The following PLEKHA6 variants were observed in gnomAD, a reference collection of about 807,000 sequenced individuals.
The protein encoded by PLEKHA6 is pleckstrin homology domain-containing family A member 6.
A neutral mutation model predicts 116.7 loss-of-function variants in PLEKHA6; 60 were observed. The observed-to-expected ratio is 0.51, with a 90% CI of 0.42 to 0.64. The LOEUF is 0.64. Ranked by LOEUF, PLEKHA6 falls within the 30% of genes least tolerant of loss-of-function variation. The pLI is 0.00. For synonymous variants in PLEKHA6, 489 were observed against 556.1 expected (o/e 0.88, Z 1.70); for missense variants, 1,338 against 1,422.7 (o/e 0.94, Z 0.96).
chr1:204,251,439 G>C (rs1440278030), intron 9 of PLEKHA6: 5 of 647,662 alleles, frequency 7.7e-6, no homozygotes, highest in Non-Finnish European at 1.4e-5. Context: ...CGGGTTGGGT[G>C]GCGTGAGCCT....
chr1:204,375,510 C>A (rs1402919005), intron 1 of PLEKHA6, among the ~76,000 whole-genome samples: 1 of 152,062 alleles, frequency 6.6e-6, no homozygotes, highest in Non-Finnish European at 1.5e-5. Context: ...CCCTTCACTT[C>A]TATTCTCACC....
chr1:204,370,843 C>G (rs1673759784), intron 2 of PLEKHA6, among the ~76,000 whole-genome samples: 1 of 152,198 alleles, frequency 6.6e-6, no homozygotes, highest in East Asian at 1.9e-4. Flanking sequence ...CACCTGAGGT[C>G]AGGAGTTTGA....
chr1:204,254,154 C>T (rs569721281), intron 9 of PLEKHA6, among the ~76,000 whole-genome samples: 6 of 152,234 alleles, frequency 3.9e-5, no homozygotes, highest in Non-Finnish European at 8.8e-5. Flanking sequence ...TTCCCATCAG[C>T]AGGATCCTGG....
At chr1:204,332,238 G>A (rs1385382805) in intron 1 of PLEKHA6, among the ~76,000 whole-genome samples, 1 of 152,158 alleles carries the variant, frequency 6.6e-6, no homozygotes, top group Non-Finnish European at 1.5e-5. Context: ...GAAGTCACAA[G>A]ATGGCCAAGG....
chr1:204,327,413 A>G (rs1024787538), intron 1 of PLEKHA6, among the ~76,000 whole-genome samples: 1 of 152,208 alleles, frequency 6.6e-6, no homozygotes, highest in East Asian at 1.9e-4. Context: ...CAGGAAGTAG[A>G]CAGCGATAAG....
At chr1:204,328,051 TTTA>T (rs1672307309) in intron 1 of PLEKHA6, among the ~76,000 whole-genome samples, 337 of 3,674 alleles carry the variant, frequency 0.092, no homozygotes, top group Middle Eastern at 0.38. Context: ...ATTTATTTTA[TTTA>T]TTTATTTATT....
chr1:204,231,859 C>G lies in PLEKHA6; in HGVS notation c.2410-1273G>C, dbSNP rs544149541. 2.6e-5 allele frequency among the ~76,000 whole-genome samples: 4 copies of G among 152,186 alleles called. No homozygotes were observed. In the South Asian group the frequency reaches 8.3e-4, roughly 32 times the overall value. On this transcript the variant is annotated intron_variant, in intron 17 of 22. Transcript: ENST00000272203. ...GGGATTATAGGTGTGAGCCACCATGCCTGGTCTGTATTGCTTGTTATTATT... is the reference window on the plus strand; with the variant it reads ...GGGATTATAGGTGTGAGCCACCATGGCTGGTCTGTATTGCTTGTTATTATT...
intron 1 of PLEKHA6, among the ~76,000 whole-genome samples, chr1:204,337,568 C>T (rs1220895682): frequency 6.6e-6 from 1 of 152,076 alleles, no homozygotes; most frequent in Non-Finnish European, 1.5e-5. Context: ...AATGAGCTCT[C>T]GTTGGAATTA....
intron 1 of PLEKHA6, among the ~76,000 whole-genome samples, chr1:204,315,805 C>T (rs955337344): frequency 3.1e-4 from 47 of 152,006 alleles, no homozygotes; most frequent in Admixed American, 2.8e-3. Flanking sequence ...AGTGGGGAGC[C>T]GGGGAGATGC....
intron 1 of PLEKHA6, among the ~76,000 whole-genome samples, chr1:204,314,207 A>T (rs1235597210): frequency 6.6e-6 from 1 of 152,168 alleles, no homozygotes; most frequent in East Asian, 1.9e-4. Flanking sequence ...TGATAATAAG[A>T]TGGCAGAGAC....
intron 17 of PLEKHA6, among the ~76,000 whole-genome samples, chr1:204,241,015 G>A (rs1270767433): frequency 6.6e-6 from 1 of 152,194 alleles, no homozygotes; most frequent in African/African-American, 2.4e-5. Flanking sequence ...AAGTTCTTCA[G>A]TTTTGGAACT....
intron 1 of PLEKHA6, chr1:204,299,730 A>T: frequency 4.8e-6 from 3 of 628,920 alleles, no homozygotes; most frequent in Non-Finnish European, 6.0e-6. Flanking sequence ...AGAAAGGCCT[A>T]CTTCCCTGGC....
At position 204,329,713 on chromosome 1, in the gene PLEKHA6, C is replaced by T. The variant is rs147303105; in HGVS notation, c.-95+29981G>A. On this transcript the variant is annotated intron_variant, in intron 1 of 22. Transcript: ENST00000272203. ...GGACAGCATAACATGTTAAATGACACGATGAGGATGCAATCAGCCAAATCC... is the reference window on the plus strand; with the variant it reads ...GGACAGCATAACATGTTAAATGACATGATGAGGATGCAATCAGCCAAATCC... Among the ~76,000 whole-genome samples, 15 of 152,198 alleles carry T rather than the reference C, an allele frequency of 9.9e-5. 1 individual carries two copies. Among genetic ancestry groups the T allele is most frequent in the East Asian group, 9.7e-4 (5 of 5,180 alleles).
chr1:204,288,334 C>T (rs181537937), intron 1 of PLEKHA6, among the ~76,000 whole-genome samples: 117 of 152,340 alleles, frequency 7.7e-4, no homozygotes, highest in African/African-American at 2.7e-3. Context: ...AAAGTAGCAA[C>T]TCCCACCTTG....
At chr1:204,325,512 G>A (rs1034134975) in intron 1 of PLEKHA6, among the ~76,000 whole-genome samples, 1 of 152,178 alleles carries the variant, frequency 6.6e-6, no homozygotes, top group Non-Finnish European at 1.5e-5. Flanking sequence ...AGATCTTCAT[G>A]CTCAGAAATA....
intron 9 of PLEKHA6, among the ~76,000 whole-genome samples, chr1:204,251,337 G>A (rs762400993): frequency 5.9e-5 from 9 of 152,204 alleles, no homozygotes; most frequent in Admixed American, 2.0e-4. Flanking sequence ...TGGGAAATGG[G>A]CCTTGGGTTT....
chr1:204,230,707 C>A, intron 17 of PLEKHA6, 121 bp from the exon 18 acceptor site: 1 of 793,432 alleles, frequency 1.3e-6, no homozygotes, highest in South Asian at 1.9e-5. Context: ...GAAGAGTGGT[C>A]CCCAAAAGAT....
intron 2 of PLEKHA6, among the ~76,000 whole-genome samples, chr1:204,370,024 G>T (rs1357819229): frequency 6.6e-6 from 1 of 152,198 alleles, no homozygotes; most frequent in Admixed American, 6.5e-5. Flanking sequence ...AAGAAGCTAA[G>T]TCCAGGAAGA....
chr1:204,346,129 C>T (rs1379041039), intron 1 of PLEKHA6, among the ~76,000 whole-genome samples: 1 of 152,156 alleles, frequency 6.6e-6, no homozygotes, highest in African/African-American at 2.4e-5. Context: ...TTGGATAGCC[C>T]CCTCCTCAAT....
Sources: allele counts gnomAD v4.1 joint callset (sites outside exome capture counted in the v4.1 genomes callset), GRCh38; gene constraint gnomAD v4.1.1; transcripts MANE v1.5; gene names NCBI Gene and HGNC (gene_info 2026-07-23, HGNC 2026-07-21).